The following NEGR1 variants were observed in gnomAD, a reference collection of about 807,000 sequenced individuals.
NEGR1 encodes the protein IgLON family member 4.
A neutral mutation model predicts 40.9 loss-of-function variants in NEGR1; 10 were observed. The observed-to-expected ratio is 0.24, with a 90% CI of 0.15 to 0.42. The LOEUF is 0.42. NEGR1 is among the 10% of genes least tolerant of loss of function. NEGR1 has a pLI of 1.00. For synonymous variants in NEGR1, 185 were observed against 166.8 expected (o/e 1.11, Z -0.84); for missense variants, 352 against 438.9 (o/e 0.80, Z 1.77).
chr1:71,834,947 G>A (rs188827920), intron 2 of NEGR1, among the ~76,000 whole-genome samples: 1 of 132,008 alleles, frequency 7.6e-6, no homozygotes, highest in Non-Finnish European at 1.6e-5. Context: ...CACCCAACAT[G>A]TAGTGACTTA....
At chr1:71,409,087 A>G (rs1646299432) in intron 6 of NEGR1, 1 of 152,074 alleles carries the variant, frequency 6.6e-6, no homozygotes, top group African/African-American at 2.4e-5. Context: ...ATGCATGTGT[A>G]TAATTACAAA....
At chr1:72,274,708 C>G (rs969791537) in intron 1 of NEGR1, 11 of 1,004,454 alleles carry the variant, frequency 1.1e-5, no homozygotes, top group Non-Finnish European at 1.8e-5. Context: ...AATCATTGTG[C>G]AGAATGGAAA....
At position 71,935,002 on chromosome 1, in the gene NEGR1, C is replaced by G. The variant is rs912506756; in HGVS notation, c.409+77G>C. On this transcript the variant is annotated intron_variant, in intron 2 of 6. Coordinates refer to ENST00000357731, the MANE Select transcript of NEGR1 (RefSeq NM_173808.3). ...ATATTTCAACATTGTTAACTGCTTC[C>G]TAGTCATTTTGATACCTAAATATTA... 7 of 805,590 alleles carry G rather than the reference C, an allele frequency of 8.7e-6. No individual in the cohort carries two copies. The Admixed American group carries it at 1.6e-4, about 18-fold the overall frequency. 49.9% of individuals were successfully genotyped at this position (805,590 alleles called of 1,614,324 possible).
intron 1 of NEGR1, among the ~76,000 whole-genome samples, chr1:72,149,939 A>G (rs1345326185): frequency 4.6e-5 from 7 of 151,482 alleles, no homozygotes; most frequent in African/African-American, 1.7e-4. Context: ...AAAAAACACC[A>G]AGGACAAGTA....
intron 1 of NEGR1, among the ~76,000 whole-genome samples, chr1:72,107,063 A>G (rs1020858364): frequency 6.6e-6 from 1 of 151,790 alleles, no homozygotes; most frequent in Non-Finnish European, 1.5e-5. Flanking sequence ...GTATACAATG[A>G]TTTAAATGAA....
At chr1:71,480,595 T>G (rs972273647) in intron 6 of NEGR1, among the ~76,000 whole-genome samples, 2 of 151,920 alleles carry the variant, frequency 1.3e-5, no homozygotes, top group African/African-American at 2.4e-5. Flanking sequence ...TCATATTTAC[T>G]GAGTTAATGA....
intron 3 of NEGR1, among the ~76,000 whole-genome samples, chr1:71,745,664 T>C (rs1053576463): frequency 6.6e-6 from 1 of 152,016 alleles, no homozygotes; most frequent in African/African-American, 2.4e-5. Context: ...CAGAAAACAA[T>C]AACTCAAAGT....
chr1:71,700,613 T>C (rs1449154649), intron 3 of NEGR1, among the ~76,000 whole-genome samples: 1 of 152,020 alleles, frequency 6.6e-6, no homozygotes. Flanking sequence ...TGTATTAGTA[T>C]TTTATTGCTG....
chr1:71,553,141 A>T (rs1196532267), intron 6 of NEGR1, among the ~76,000 whole-genome samples: 1 of 151,480 alleles, frequency 6.6e-6, no homozygotes, highest in Non-Finnish European at 1.5e-5. Flanking sequence ...TAGAAATAAG[A>T]GTATATTTGA....
chr1:72,157,745 T>C (rs1651411688), intron 1 of NEGR1, among the ~76,000 whole-genome samples: 1 of 152,166 alleles, frequency 6.6e-6, no homozygotes, highest in South Asian at 2.1e-4. Context: ...GCAATACCAC[T>C]TCATCATGTG....
intron 1 of NEGR1, among the ~76,000 whole-genome samples, chr1:72,264,031 A>T (rs72942919): frequency 0.043 from 6,494 of 151,472 alleles, 476 homozygotes; most frequent in African/African-American, 0.15. Flanking sequence ...TAGAGGTATC[A>T]CTAACTATGA....
chr1:71,461,348 T>C (rs540011139), intron 6 of NEGR1, among the ~76,000 whole-genome samples: 1 of 152,326 alleles, frequency 6.6e-6, no homozygotes, highest in East Asian at 1.9e-4. Flanking sequence ...AATGATTGTC[T>C]TTAAGATTTG....
chr1:71,748,162 T>G (rs1027096418), intron 3 of NEGR1, among the ~76,000 whole-genome samples: 35 of 152,300 alleles, frequency 2.3e-4, no homozygotes, highest in Non-Finnish European at 4.6e-4. Flanking sequence ...AGAAGAACTT[T>G]GAGAGAAAAT....
chr1:72,216,468 T>C (rs1342142842), intron 1 of NEGR1, among the ~76,000 whole-genome samples: 1 of 148,512 alleles, frequency 6.7e-6, no homozygotes, highest in Non-Finnish European at 1.5e-5. Flanking sequence ...AAATATAAAA[T>C]ATATTTTCAT....
chr1:71,581,040 T>C (rs2184232), intron 6 of NEGR1, among the ~76,000 whole-genome samples: 42,398 of 152,096 alleles, frequency 0.28, 6,866 homozygotes, highest in East Asian at 0.65. Context: ...ATGCAATAGC[T>C]ATTCAAACCT....
At chr1:71,858,079 A>G (rs939098002) in intron 2 of NEGR1, among the ~76,000 whole-genome samples, 6 of 151,920 alleles carry the variant, frequency 3.9e-5, no homozygotes, top group African/African-American at 1.5e-4. Flanking sequence ...TTTCCTAAAC[A>G]TATTTTCCCT....
At chr1:72,245,502 A>G (rs1654873839) in intron 1 of NEGR1, among the ~76,000 whole-genome samples, 1 of 152,130 alleles carries the variant, frequency 6.6e-6, no homozygotes, top group South Asian at 2.1e-4. Flanking sequence ...ACGTTAAGAT[A>G]CTATGGCATC....
chr1:72,272,651 C>A (rs1441668706), intron 1 of NEGR1, among the ~76,000 whole-genome samples: 1 of 151,798 alleles, frequency 6.6e-6, no homozygotes, highest in Non-Finnish European at 1.5e-5. Context: ...ACATATTTTC[C>A]ATGGCCCTTT....
chr1:72,051,274 A>T (rs1255359623), intron 1 of NEGR1, among the ~76,000 whole-genome samples: 1 of 151,502 alleles, frequency 6.6e-6, no homozygotes, highest in East Asian at 1.9e-4. Flanking sequence ...TACAATCAAG[A>T]TTACCATCAT....
Sources: gnomAD v4.1 joint callset for allele counts (sites outside exome capture counted in the v4.1 genomes callset) on GRCh38, gnomAD v4.1.1 for gene constraint, MANE v1.5 for transcripts, NCBI Gene and HGNC (gene_info 2026-07-23, HGNC 2026-07-21) for gene names.